ERBB4: variants seen among roughly 807,000 people sequenced by gnomAD.
ERBB4 encodes the protein erb-b2 receptor tyrosine kinase 4.
ERBB4 carries 42 observed loss-of-function variants against 158.0 expected under a neutral mutation model. That is an observed-to-expected ratio of 0.27 (90% confidence interval 0.21 to 0.34). The LOEUF is 0.34. Among genes scored for constraint, ERBB4 ranks in the 10% least tolerant of loss-of-function variants. The pLI is 1.00. For missense variants in ERBB4, 1,333 were observed against 1,624.1 expected, an observed-to-expected ratio of 0.82 and a Z score of 3.08; for synonymous variants, 583 against 558.7, an observed-to-expected ratio of 1.04 and a Z score of -0.61.
chr2:212,169,494 A>G (rs1043795829), intron 1 of ERBB4, among the ~76,000 whole-genome samples: 7 of 152,120 alleles, frequency 4.6e-5, no homozygotes, highest in South Asian at 2.1e-4. Flanking sequence ...TCCTAACACC[A>G]TATACAAAAA....
At chr2:211,623,814 G>T in intron 18 of ERBB4, 108 bp downstream of exon 18, 1 of 1,085,026 alleles carries the variant, frequency 9.2e-7, no homozygotes, top group Non-Finnish European at 1.3e-6. Flanking sequence ...CTTCCTTTCT[G>T]AATATTATAA....
At chr2:211,516,943 T>C (rs1000672529) in intron 20 of ERBB4, among the ~76,000 whole-genome samples, 1 of 152,160 alleles carries the variant, frequency 6.6e-6, no homozygotes, top group Non-Finnish European at 1.5e-5. Context: ...TAGCCAATTC[T>C]TTCCCACCAT....
At chr2:211,733,827 C>T (rs1013801003) in intron 5 of ERBB4, among the ~76,000 whole-genome samples, 3 of 151,422 alleles carry the variant, frequency 2.0e-5, no homozygotes, top group Admixed American at 2.0e-4. Flanking sequence ...CACACCTATA[C>T]ACCTAGCATT....
intron 25 of ERBB4, among the ~76,000 whole-genome samples, chr2:211,390,898 T>G (rs2062785960): frequency 6.6e-6 from 1 of 152,228 alleles, no homozygotes; most frequent in Non-Finnish European, 1.5e-5. Flanking sequence ...CTGGCTGCTT[T>G]TTTTATGTTT....
chr2:211,515,912 A>ATATATATATATATATAT (rs35696520), intron 20 of ERBB4, among the ~76,000 whole-genome samples: 2 of 78,984 alleles, frequency 2.5e-5, no homozygotes, highest in African/African-American at 5.7e-5. Context: ...ATATATATAT[A>ATATATATATATATATAT]TTTTTTTTTT....
chr2:212,442,274 TCATGGCCCC>T lies in ERBB4; in HGVS notation c.82+96166_82+96174del, dbSNP rs753035902. 5.3e-3 allele frequency among the ~76,000 whole-genome samples: 812 copies of T among 152,178 alleles called. 5 individuals are homozygous for T. Among genetic ancestry groups the T allele is most frequent in the East Asian group, 0.037 (192 of 5,178 alleles). ...TAATTTGAATTACAAAAAAAGGGAATCATGGCCCCTCAACAAATTTCCATACTTCAGTCA... is the reference window on the plus strand; with the variant it reads ...TAATTTGAATTACAAAAAAAGGGAATTCAACAAATTTCCATACTTCAGTCA... On this transcript the variant is annotated intron_variant, in intron 1 of 27. Coordinates refer to ENST00000342788, the MANE Select transcript of ERBB4 (RefSeq NM_005235.3).
intron 19 of ERBB4, among the ~76,000 whole-genome samples, chr2:211,578,059 G>A (rs1423652790): frequency 6.6e-6 from 1 of 152,148 alleles, no homozygotes; most frequent in Non-Finnish European, 1.5e-5. Flanking sequence ...AAACCCCATT[G>A]TCTCAGGCCA....
At chr2:211,604,106 G>T (rs1004236520) in intron 19 of ERBB4, among the ~76,000 whole-genome samples, 1 of 152,076 alleles carries the variant, frequency 6.6e-6, no homozygotes, top group African/African-American at 2.4e-5. Flanking sequence ...TAACATATAG[G>T]TCAATTGATG....
chr2:211,461,243 T>C (rs913808039), intron 20 of ERBB4, among the ~76,000 whole-genome samples: 6 of 152,196 alleles, frequency 3.9e-5, no homozygotes, highest in Admixed American at 1.3e-4. Flanking sequence ...CACTTGGTTC[T>C]TTAAAAATGC....
chr2:212,040,610 G>A (rs575822582), intron 2 of ERBB4, among the ~76,000 whole-genome samples: 2 of 152,086 alleles, frequency 1.3e-5, no homozygotes, highest in Non-Finnish European at 2.9e-5. Context: ...GTCTCTGCCA[G>A]TTGCCCTATA....
intron 1 of ERBB4, among the ~76,000 whole-genome samples, chr2:212,381,653 G>A (rs909872893): frequency 4.6e-5 from 7 of 151,094 alleles, no homozygotes; most frequent in East Asian, 1.9e-4. Context: ...TATTCATGAC[G>A]GAATCATATT....
intron 2 of ERBB4, among the ~76,000 whole-genome samples, chr2:211,987,216 G>A (rs148822198): frequency 2.8e-4 from 42 of 151,614 alleles, no homozygotes; most frequent in African/African-American, 1.0e-3. Flanking sequence ...AGCTTCTTGG[G>A]AGGCTGAGGC....
intron 1 of ERBB4, among the ~76,000 whole-genome samples, chr2:212,384,762 G>A (rs1252833758): frequency 6.6e-6 from 1 of 151,200 alleles, no homozygotes; most frequent in Non-Finnish European, 1.5e-5. Flanking sequence ...TAAAGGTAAT[G>A]GGAACCAATA....
At position 211,378,887 on chromosome 2, in the gene ERBB4, C is replaced by CTTT. The variant is rs10585346; in HGVS notation, c.*4725_*4727dup. ...ACAGTAGAAGTTAATTTATCTGTTT[C>CTTT]TTTTTTTTTTTTTAACAACTAGAAG... On this transcript the variant is annotated 3_prime_UTR_variant, in exon 28 of 28. Transcript: ENST00000342788. 3 of 219,802 alleles carry CTTT rather than the reference C, an allele frequency of 1.4e-5. No individual in the cohort carries two copies. In the East Asian group the frequency reaches 2.0e-4, roughly 15 times the overall value. 13.6% of individuals were successfully genotyped at this position (219,802 alleles called of 1,614,324 possible). A position where few individuals can be genotyped will look rare whatever the true frequency, so the allele number is the denominator to read the frequency against.
At chr2:211,485,527 C>T (rs1272925615) in intron 20 of ERBB4, among the ~76,000 whole-genome samples, 1 of 152,100 alleles carries the variant, frequency 6.6e-6, no homozygotes. Flanking sequence ...AAATCAAATT[C>T]TCAGGGATCA....
At chr2:212,293,340 G>A (rs1039664089) in intron 1 of ERBB4, among the ~76,000 whole-genome samples, 2 of 151,874 alleles carry the variant, frequency 1.3e-5, no homozygotes, top group Non-Finnish European at 2.9e-5. Context: ...ACAATTTAAT[G>A]TAGCATATAT....
At chr2:211,665,623 G>T in intron 14 of ERBB4, 146 bp from the exon 15 acceptor site, 1 of 772,938 alleles carries the variant, frequency 1.3e-6, no homozygotes, top group Non-Finnish European at 2.2e-6. Context: ...CAGTGCAAAT[G>T]TGGATGTAAT....
At chr2:212,145,439 T>C (rs2080632848) in intron 1 of ERBB4, among the ~76,000 whole-genome samples, 2 of 152,170 alleles carry the variant, frequency 1.3e-5, no homozygotes, top group Non-Finnish European at 2.9e-5. Flanking sequence ...CCTCTTCCAG[T>C]ATCAAAATAT....
intron 1 of ERBB4, among the ~76,000 whole-genome samples, chr2:212,449,778 A>T (rs1477311762): frequency 6.6e-6 from 1 of 152,142 alleles, no homozygotes. Flanking sequence ...TTGGACAGGT[A>T]CCAGGCTTGG....
Sources: gnomAD v4.1 joint callset for allele counts (sites outside exome capture counted in the v4.1 genomes callset) on GRCh38, gnomAD v4.1.1 for gene constraint, MANE v1.5 for transcripts, NCBI Gene and HGNC (gene_info 2026-07-23, HGNC 2026-07-21) for gene names.